Variants in RGS10 observed in about 807,000 individuals in gnomAD.
RGS10 encodes the protein regulator of G protein signaling 10.
Under a neutral mutation model 23.5 loss-of-function variants are expected in RGS10, and 11 were observed. The observed-to-expected ratio is 0.47, with a 90% CI of 0.29 to 0.77. The LOEUF (loss-of-function observed/expected upper bound fraction) is 0.77. RGS10 is among the 30% of genes least tolerant of loss of function. The pLI, the probability that RGS10 is intolerant of heterozygous loss-of-function variation, is 0.08. For missense variants in RGS10, 180 were observed against 226.3 expected, an observed-to-expected ratio of 0.80 and a Z score of 1.31; for synonymous variants, 77 against 83.2, an observed-to-expected ratio of 0.92 and a Z score of 0.41.
At chr10:119,536,341 C>T in intron 1 of RGS10, 1 of 799,044 alleles carries the variant, frequency 1.3e-6, no homozygotes, top group African/African-American at 1.7e-5. Flanking sequence ...TCCTACTGGC[C>T]CTTCCACAGT....
At chr10:119,511,025 A>G (rs1844071506) in intron 4 of RGS10, among the ~76,000 whole-genome samples, 1 of 152,128 alleles carries the variant, frequency 6.6e-6, no homozygotes, top group African/African-American at 2.4e-5. Context: ...GCCGTAATAC[A>G]TGTTTTTAAA....
chr10:119,534,590 C>CAA lies in RGS10; in HGVS notation c.50-7168_50-7167dup, dbSNP rs561361616. 6.0e-3 allele frequency among the ~76,000 whole-genome samples: 433 copies of CAA among 72,768 alleles called. 4 individuals carry two copies. The highest frequency in any genetic ancestry group is 0.015 in the African/African-American group (242 of 16,502). 47.7% of individuals were successfully genotyped at this position (72,768 alleles called of 152,430 possible). On this transcript the variant is annotated intron_variant, in intron 1 of 4. Transcript: ENST00000369103. Reference sequence around the variant, plus strand: ...TGGGTGACAGAGCGAGACTCTGTCTCAAAAAAAAAAAAAAAAAAAGGTTGG... The same window carrying CAA: ...TGGGTGACAGAGCGAGACTCTGTCTCAAAAAAAAAAAAAAAAAAAAAGGTTGG...
At chr10:119,522,937 G>C (rs1242262109) in intron 3 of RGS10, among the ~76,000 whole-genome samples, 2 of 151,640 alleles carry the variant, frequency 1.3e-5, no homozygotes, top group Admixed American at 6.6e-5. Context: ...GAGTGCAGTG[G>C]CGCAATCATA....
chr10:119,540,520 G>A (rs577167347), intron 1 of RGS10, among the ~76,000 whole-genome samples: 1 of 152,318 alleles, frequency 6.6e-6, no homozygotes, highest in African/African-American at 2.4e-5. Flanking sequence ...CCAAAGTGCT[G>A]GGATCACAGG....
At chr10:119,511,367 C>T (rs2991779) in intron 4 of RGS10, among the ~76,000 whole-genome samples, 150,932 of 152,270 alleles carry the variant, frequency 0.99, 74,815 homozygotes, top group South Asian at 1. Flanking sequence ...ACCTGTAATC[C>T]CAGTACTTTG....
In RGS10 at chr10:119,527,535, T is replaced by C. The variant is rs536654840; in HGVS notation, c.50-111A>G. 1,167 of 794,922 alleles carry C rather than the reference T, an allele frequency of 1.5e-3. 20 individuals carry two copies. The South Asian group carries it at 0.016, about 11-fold the overall frequency. The allele number at this position is 794,922 out of a possible 1,614,324, so 49.2% of individuals were successfully genotyped here. A position where few individuals can be genotyped will look rare whatever the true frequency, so the allele number is the denominator to read the frequency against. On this transcript the variant is annotated intron_variant, in intron 1 of 4. Coordinates refer to ENST00000369103, the MANE Select transcript of RGS10 (RefSeq NM_001005339.2). This position sits in a 1 kb window ranked among gnomAD's most constrained non-coding sequence, Gnocchi z 4.2. ...ACCATCACGGCTGACATACACCGACTTATGCGTCAGGCTCTGTTCTAGGTG... is the reference window on the plus strand; with the variant it reads ...ACCATCACGGCTGACATACACCGACCTATGCGTCAGGCTCTGTTCTAGGTG...
intron 1 of RGS10, 88 bp downstream of exon 1, chr10:119,542,502 C>G (rs1229101377): frequency 1.7e-6 from 2 of 1,202,022 alleles, no homozygotes; most frequent in Admixed American, 4.1e-5. Context: ...ACCACCGAGC[C>G]GCGCCCGAGC....
chr10:119,526,733 T>A (rs1844279661), intron 2 of RGS10, among the ~76,000 whole-genome samples: 1 of 152,194 alleles, frequency 6.6e-6, no homozygotes, highest in Non-Finnish European at 1.5e-5. Context: ...TGAGGACTCA[T>A]CCTATTCCTG....
At chr10:119,510,324 C>A (rs995191256) in intron 4 of RGS10, among the ~76,000 whole-genome samples, 1 of 152,198 alleles carries the variant, frequency 6.6e-6, no homozygotes, top group African/African-American at 2.4e-5. Flanking sequence ...ACAATGCTGA[C>A]CCCCTAACGC....
At position 119,507,660 on chromosome 10, in the gene RGS10, G is replaced by A. The variant is rs61652830; in HGVS notation, c.400-7401C>T. ...AGTGCTGTGGCATGATCTCAGCTCAGTGCAACCTCTCCCTTCCAGGTTCAA... is the reference window on the plus strand; with the variant it reads ...AGTGCTGTGGCATGATCTCAGCTCAATGCAACCTCTCCCTTCCAGGTTCAA... On this transcript the variant is annotated intron_variant, in intron 4 of 4. Transcript: ENST00000369103. Among the ~76,000 whole-genome samples, 12 of 146,370 alleles carry A rather than the reference G, an allele frequency of 8.2e-5. No individual in the cohort carries two copies. In the East Asian group the frequency reaches 2.3e-3, roughly 27 times the overall value.
intron 3 of RGS10, among the ~76,000 whole-genome samples, chr10:119,519,746 T>A (rs941869491): frequency 2.1e-5 from 3 of 142,106 alleles, no homozygotes; most frequent in Middle Eastern, 3.6e-3. Flanking sequence ...CCAGCTCCTG[T>A]CTCCCTGTGT....
chr10:119,514,310 T>A (rs1844115118), intron 4 of RGS10, among the ~76,000 whole-genome samples: 3 of 151,798 alleles, frequency 2.0e-5, no homozygotes. Context: ...TGAGCCGAGA[T>A]CGAGCCACTG....
At chr10:119,505,741 A>T (rs1165460808) in intron 4 of RGS10, among the ~76,000 whole-genome samples, 1 of 152,188 alleles carries the variant, frequency 6.6e-6, no homozygotes, top group Non-Finnish European at 1.5e-5. Flanking sequence ...CCAGCCTTGA[A>T]GGCCCCTCTG....
At chr10:119,509,433 TAAAA>T (rs934682549) in intron 4 of RGS10, among the ~76,000 whole-genome samples, 1 of 143,596 alleles carries the variant, frequency 7.0e-6, no homozygotes, top group African/African-American at 2.6e-5. Flanking sequence ...TACAAAAAAT[TAAAA>T]AAAAAAATCT....
intron 4 of RGS10, among the ~76,000 whole-genome samples, chr10:119,502,921 G>A (rs1347644519): frequency 6.6e-6 from 1 of 152,194 alleles, no homozygotes; most frequent in Non-Finnish European, 1.5e-5. Context: ...CGCCCCCAAA[G>A]CCCTCGTGCG....
At chr10:119,518,675 T>C (rs547244201) in intron 3 of RGS10, among the ~76,000 whole-genome samples, 64 of 150,686 alleles carry the variant, frequency 4.2e-4, no homozygotes, top group African/African-American at 1.6e-3. Flanking sequence ...CACAGCTCTC[T>C]ACATGGGGGT....
chr10:119,510,940 G>A lies in RGS10; in HGVS notation c.399+4569C>T, dbSNP rs900807840. Among the ~76,000 whole-genome samples the A allele has an allele frequency of 5.9e-5, 9 of 152,142 alleles. No homozygotes were observed. The South Asian group carries it at 1.2e-3, about 21-fold the overall frequency. On this transcript the variant is annotated intron_variant, in intron 4 of 4. Transcript: ENST00000369103. Reference sequence around the variant, plus strand: ...TCACCGTGTTAGCTAGGATGGTCTCGATCTCCTGACCTTGTGATCTGCCCG... The same window carrying A: ...TCACCGTGTTAGCTAGGATGGTCTCAATCTCCTGACCTTGTGATCTGCCCG...
At chr10:119,531,844 C>T (rs1025307450) in intron 1 of RGS10, among the ~76,000 whole-genome samples, 1 of 152,154 alleles carries the variant, frequency 6.6e-6, no homozygotes, top group Non-Finnish European at 1.5e-5. Context: ...ATTCCATGGT[C>T]TCCTGGGCTA....
chr10:119,541,673 C>A (rs998098424), intron 1 of RGS10, among the ~76,000 whole-genome samples: 2 of 152,146 alleles, frequency 1.3e-5, no homozygotes, highest in African/African-American at 4.8e-5. Flanking sequence ...GTGGGAAGCC[C>A]GGCAAAGCCC....
Sources: allele counts gnomAD v4.1 joint callset (sites outside exome capture counted in the v4.1 genomes callset), GRCh38; gene constraint gnomAD v4.1.1; non-coding constraint Gnocchi (gnomAD v3.1); transcripts MANE v1.5; gene names NCBI Gene and HGNC (gene_info 2026-07-23, HGNC 2026-07-21).